ATP2B2: variants seen among roughly 807,000 people sequenced by gnomAD.
ATP2B2 encodes plasma membrane calcium-transporting ATPase 2.
In ATP2B2, 15 loss-of-function variants were observed where a neutral mutation model predicts 120.0. The observed-to-expected ratio is 0.12, with a 90% confidence interval of 0.08 to 0.19. The LOEUF is 0.19. ATP2B2 is among the 10% of genes least tolerant of loss of function. The probability of loss-of-function intolerance (pLI) is 1.00; values close to 1 mark genes in which losing one functional copy is unlikely to be tolerated. For missense variants in ATP2B2, 1,045 were observed against 1,719.8 expected (o/e 0.61, Z 6.94); for synonymous variants, 694 against 700.3 (o/e 0.99, Z 0.14).
rs2062255122 is a variant in ATP2B2 at position 10,402,469 on chromosome 3, C to G, written c.398-121G>C. On this transcript the variant is annotated intron_variant, in intron 3 of 22. Coordinates refer to ENST00000360273, the MANE Select transcript of ATP2B2 (RefSeq NM_001001331.4). The surrounding 1 kb of genome is among the most constrained non-coding windows in gnomAD (Gnocchi z 4.9). ...TGTTAAGAATCAGATGATAATTATCCACTTACTCAGTGTGTCTGGGTACCA... is the reference window on the plus strand; with the variant it reads ...TGTTAAGAATCAGATGATAATTATCGACTTACTCAGTGTGTCTGGGTACCA... The G allele has an allele frequency of 6.9e-7, 1 of 1,445,262 alleles. No homozygotes were observed. The highest frequency in any genetic ancestry group is 9.6e-7 in the Non-Finnish European group (1 of 1,044,940). The allele number at this position is 1,445,262 out of a possible 1,614,324, so 89.5% of individuals were successfully genotyped here. A position where few individuals can be genotyped will look rare whatever the true frequency, so the allele number is the denominator to read the frequency against.
intron 1 of ATP2B2, among the ~76,000 whole-genome samples, chr3:10,488,812 C>T (rs558358242): frequency 1.7e-4 from 26 of 152,188 alleles, no homozygotes; most frequent in African/African-American, 6.3e-4. Flanking sequence ...CTCCTTCCTG[C>T]TCTCCTTCCT....
intron 1 of ATP2B2, among the ~76,000 whole-genome samples, chr3:10,451,160 G>A (rs1270249947): frequency 2.0e-5 from 3 of 152,232 alleles, no homozygotes; most frequent in Admixed American, 6.5e-5. Context: ...TTCCAGAGCC[G>A]CACGGAGTGA....
intron 2 of ATP2B2, among the ~76,000 whole-genome samples, chr3:10,435,042 T>C (rs539032361): frequency 6.6e-6 from 1 of 152,292 alleles, no homozygotes; most frequent in South Asian, 2.1e-4. Flanking sequence ...CTTTGACAAA[T>C]GGTTAAGAGC....
intron 13 of ATP2B2, 24 bp from the exon 14 acceptor site, chr3:10,358,949 G>A: frequency 6.2e-7 from 1 of 1,608,854 alleles, no homozygotes. Context: ...GAAGGGAGAT[G>A]GGGAGCCCAG....
intron 11 of ATP2B2, among the ~76,000 whole-genome samples, chr3:10,372,929 G>T (rs990932503): frequency 6.6e-6 from 1 of 152,204 alleles, no homozygotes; most frequent in African/African-American, 2.4e-5. Flanking sequence ...GAATCAGATG[G>T]AGTTCTAGGC....
chr3:10,615,582 G>T (rs1034208977), intron 2 of ATP2B2, among the ~76,000 whole-genome samples: 16 of 152,130 alleles, frequency 1.1e-4, no homozygotes, highest in African/African-American at 3.9e-4. Flanking sequence ...GCTGACAAGG[G>T]ACAGAAGGAC....
rs745313417 is a variant in ATP2B2, at chr3:10,386,471, T to C, written c.940+9A>G. On this transcript the variant is annotated intron_variant, in intron 7 of 22. Transcript: ENST00000360273. ...AAAGCCCATCTACCCTGAGGGTGTCTTACTGTACCTGGTAGCTGAAGGCCA... is the reference window on the plus strand; with the variant it reads ...AAAGCCCATCTACCCTGAGGGTGTCCTACTGTACCTGGTAGCTGAAGGCCA... The C allele has an allele frequency of 2.5e-5, 40 of 1,613,918 alleles. 1 individual carries two copies. Among genetic ancestry groups the C allele is most frequent in the Non-Finnish European group, 3.1e-5 (37 of 1,179,866 alleles).
rs57580518 is a variant in ATP2B2, at chr3:10,632,452, C to T, written c.-459-12491G>A. ...TTACAGTTACTGTTTTCAGGAATGT[C>T]CCTACACTGTATGTGTTTGTTCTAA... On this transcript the variant is annotated intron_variant, in intron 1 of 21. Coordinates refer to the ATP2B2 transcript ENST00000646379. 2.2e-4 allele frequency among the ~76,000 whole-genome samples: 33 copies of T among 152,310 alleles called. No homozygotes were observed. In the East Asian group the frequency reaches 5.8e-3, roughly 27 times the overall value.
Position 10,609,077 on chromosome 3 carries a change from C to T in ATP2B2, c.-415+10840G>A, listed in dbSNP as rs77505550. ...CGCTGCTTCATGGAATGAGCAGGAA[C>T]GGACTCTGAGCTGTTTCCTCCTCCA... On this transcript the variant is annotated intron_variant, in intron 2 of 21. Coordinates refer to the ATP2B2 transcript ENST00000646379. 5.7e-4 allele frequency among the ~76,000 whole-genome samples: 87 copies of T among 152,322 alleles called. No individual in the cohort carries two copies. In the East Asian group the frequency reaches 0.015, roughly 26 times the overall value.
intron 1 of ATP2B2, among the ~76,000 whole-genome samples, chr3:10,485,067 C>A (rs1324989661): frequency 6.6e-6 from 1 of 152,110 alleles, no homozygotes; most frequent in East Asian, 1.9e-4. Context: ...GTCTTGTGTG[C>A]CTTCAGGAAG....
chr3:10,655,094 CT>C (rs1268595919), intron 1 of ATP2B2, among the ~76,000 whole-genome samples: 2 of 152,174 alleles, frequency 1.3e-5, no homozygotes, highest in South Asian at 2.1e-4. Flanking sequence ...GCACATATGC[CT>C]GGCAAAACAT....
At chr3:10,623,537 A>G (rs1242936136) in intron 1 of ATP2B2, among the ~76,000 whole-genome samples, 1 of 148,202 alleles carries the variant, frequency 6.7e-6, no homozygotes, top group Admixed American at 6.8e-5. Context: ...GGTGGCAATC[A>G]GGGAGGCTTC....
intron 3 of ATP2B2, among the ~76,000 whole-genome samples, chr3:10,521,411 G>C (rs982313440): frequency 6.6e-6 from 1 of 152,230 alleles, no homozygotes; most frequent in African/African-American, 2.4e-5. Context: ...TTTCAGTCTG[G>C]GAACTTTCAT....
At chr3:10,401,111 C>A (rs1277137154) in intron 4 of ATP2B2, 33 bp from the exon 5 acceptor site, 1 of 1,612,364 alleles carries the variant, frequency 6.2e-7, no homozygotes, top group African/African-American at 1.3e-5. Context: ...AGTCAGCAGG[C>A]TCTCAGGTGA....
At chr3:10,446,155 G>A (rs1370774035) in intron 2 of ATP2B2, among the ~76,000 whole-genome samples, 2 of 152,158 alleles carry the variant, frequency 1.3e-5, no homozygotes, top group African/African-American at 2.4e-5. Context: ...CCAGGAACAT[G>A]TGTCATAGAG....
intron 1 of ATP2B2, among the ~76,000 whole-genome samples, chr3:10,625,547 G>A (rs1424508363): frequency 2.0e-5 from 3 of 152,210 alleles, no homozygotes; most frequent in African/African-American, 4.8e-5. Context: ...TACAGAATCC[G>A]GATCATGGCT....
intron 3 of ATP2B2, among the ~76,000 whole-genome samples, chr3:10,523,285 T>C (rs570206192): frequency 1.3e-5 from 2 of 152,320 alleles, no homozygotes; most frequent in Admixed American, 6.5e-5. Context: ...CAGTTTTCAA[T>C]AGAAAAGAAT....
At chr3:10,557,368 T>C (rs1306532508) in intron 2 of ATP2B2, among the ~76,000 whole-genome samples, 1 of 152,246 alleles carries the variant, frequency 6.6e-6, no homozygotes, top group Non-Finnish European at 1.5e-5. Flanking sequence ...GGCTTGGGTC[T>C]CTCACCGCCT....
At chr3:10,408,348 GT>G (rs1341134382) in intron 3 of ATP2B2, among the ~76,000 whole-genome samples, 1 of 152,158 alleles carries the variant, frequency 6.6e-6, no homozygotes, top group Non-Finnish European at 1.5e-5. Flanking sequence ...TTGTTTGTTT[GT>G]TTGTTTTTGC....
Sources: gnomAD v4.1 joint callset for allele counts (sites outside exome capture counted in the v4.1 genomes callset) on GRCh38, gnomAD v4.1.1 for gene constraint, Gnocchi (gnomAD v3.1) non-coding constraint, MANE v1.5 for transcripts, NCBI Gene and HGNC (gene_info 2026-07-23, HGNC 2026-07-21) for gene names.